Variants in KCNN2 observed in about 807,000 individuals in gnomAD.
KCNN2 encodes potassium calcium-activated channel subfamily N member 2, also known as small conductance calcium-activated potassium channel protein 2.
A neutral mutation model predicts 55.5 loss-of-function variants in KCNN2; 24 were observed. That is an observed-to-expected ratio of 0.43 (90% CI 0.31 to 0.61). The LOEUF is 0.61. Ranked by LOEUF, KCNN2 falls within the 20% of genes least tolerant of loss-of-function variation. The pLI, the probability that KCNN2 is intolerant of heterozygous loss-of-function variation, is 0.08. For synonymous variants in KCNN2, 431 were observed against 336.1 expected, an observed-to-expected ratio of 1.28 and a Z score of -3.09; for missense variants, 754 against 853.6, an observed-to-expected ratio of 0.88 and a Z score of 1.45.
At chr5:114,206,164 A>G (rs1426531027) in intron 1 of KCNN2, among the ~76,000 whole-genome samples, 1 of 152,210 alleles carries the variant, frequency 6.6e-6, no homozygotes, top group Non-Finnish European at 1.5e-5. Flanking sequence ...CTAAAAGACT[A>G]CTTAAATTCA....
intron 1 of KCNN2, among the ~76,000 whole-genome samples, chr5:114,072,735 A>G (rs185307971): frequency 3.9e-4 from 59 of 152,304 alleles, no homozygotes; most frequent in Non-Finnish European, 4.6e-4. Context: ...ATCTACCACT[A>G]ACTGGCCTTT....
chr5:114,153,047 G>A (rs1422237807), intron 1 of KCNN2, among the ~76,000 whole-genome samples: 3 of 152,186 alleles, frequency 2.0e-5, no homozygotes, highest in African/African-American at 7.2e-5. Flanking sequence ...GATTTGGGGA[G>A]TGAGCAGTGA....
rs181154710 is a variant in KCNN2 at position 114,274,193 on chromosome 5, G to A, written c.-185+52628G>A. On this transcript the variant is annotated intron_variant, in intron 2 of 10. Coordinates refer to the KCNN2 transcript ENST00000512097. ...TGAAGGCCTGCGTTCTGTTCCATTG[G>A]TCTATATATCTGTTTTGGTACCAGT... Among the ~76,000 whole-genome samples the A allele has an allele frequency of 1.4e-4, 21 of 152,182 alleles. No homozygotes were observed. In the East Asian group the frequency reaches 3.3e-3, roughly 24 times the overall value.
At chr5:114,233,704 T>G (rs1754412350) in intron 2 of KCNN2, among the ~76,000 whole-genome samples, 1 of 152,218 alleles carries the variant, frequency 6.6e-6, no homozygotes, top group African/African-American at 2.4e-5. Flanking sequence ...ATGGGCATAT[T>G]TTAATCAATT....
chr5:114,159,062 G>C (rs1489625617), intron 1 of KCNN2, among the ~76,000 whole-genome samples: 2 of 152,196 alleles, frequency 1.3e-5, no homozygotes, highest in East Asian at 3.9e-4. Flanking sequence ...TGGTGAGAGA[G>C]GGCATCCTGT....
At chr5:114,445,282 CA>C (rs1760360646) in intron 3 of KCNN2, among the ~76,000 whole-genome samples, 1 of 151,930 alleles carries the variant, frequency 6.6e-6, no homozygotes, top group Non-Finnish European at 1.5e-5. Flanking sequence ...ATGATAAAAG[CA>C]AAAATGCCCT....
intron 1 of KCNN2, among the ~76,000 whole-genome samples, chr5:114,144,536 G>A (rs568420965): frequency 9.2e-5 from 14 of 152,082 alleles, no homozygotes; most frequent in Non-Finnish European, 1.9e-4. Context: ...AACATGGAGA[G>A]AGGGGAAAGA....
intron 1 of KCNN2, among the ~76,000 whole-genome samples, chr5:114,151,940 A>G (rs1398858043): frequency 6.6e-6 from 1 of 152,226 alleles, no homozygotes; most frequent in African/African-American, 2.4e-5. Context: ...AAATGAGGAA[A>G]TTAAACTGTT....
At chr5:114,164,001 G>T (rs771196377) in intron 1 of KCNN2, among the ~76,000 whole-genome samples, 48 of 152,104 alleles carry the variant, frequency 3.2e-4, no homozygotes, top group Admixed American at 3.0e-3. Flanking sequence ...ATTATTTAAT[G>T]GGGGTGGGTG....
At chr5:114,382,815 G>C (rs141307877) in intron 2 of KCNN2, among the ~76,000 whole-genome samples, 6 of 152,298 alleles carry the variant, frequency 3.9e-5, no homozygotes, top group Non-Finnish European at 8.8e-5. Flanking sequence ...CCACTCCAAG[G>C]ATTAGCAGCT....
At chr5:114,146,704 C>A (rs924988612) in intron 1 of KCNN2, among the ~76,000 whole-genome samples, 1 of 152,262 alleles carries the variant, frequency 6.6e-6, no homozygotes, top group Non-Finnish European at 1.5e-5. Context: ...CAGTATTGTA[C>A]AATTTGTTTA....
intron 1 of KCNN2, among the ~76,000 whole-genome samples, chr5:114,184,700 T>C (rs1050368625): frequency 3.3e-5 from 5 of 152,282 alleles, no homozygotes; most frequent in South Asian, 4.1e-4. Flanking sequence ...TAGGATTAAA[T>C]GAGATAAACG....
At chr5:114,470,403 G>GAGTA (rs1284909529) in intron 4 of KCNN2, among the ~76,000 whole-genome samples, 1 of 152,152 alleles carries the variant, frequency 6.6e-6, no homozygotes, top group Non-Finnish European at 1.5e-5. Flanking sequence ...AGTGATTGAG[G>GAGTA]AGTAGTACCT....
chr5:114,159,185 C>T (rs1752708634), intron 1 of KCNN2, among the ~76,000 whole-genome samples: 1 of 152,078 alleles, frequency 6.6e-6, no homozygotes, highest in African/African-American at 2.4e-5. Context: ...CCATCAATAC[C>T]TAATTTATTG....
chr5:114,129,268 G>A (rs1752000522), intron 1 of KCNN2, among the ~76,000 whole-genome samples: 3 of 152,130 alleles, frequency 2.0e-5, no homozygotes, highest in Admixed American at 2.0e-4. Flanking sequence ...AGTAACTGAT[G>A]TAATCCATAC....
intron 3 of KCNN2, among the ~76,000 whole-genome samples, chr5:114,448,214 C>G (rs1489062788): frequency 1.3e-5 from 2 of 151,952 alleles, no homozygotes; most frequent in Non-Finnish European, 2.9e-5. Flanking sequence ...CTCTTCTTTT[C>G]TTCCCTTCAT....
At chr5:114,285,823 G>T (rs191527351) in intron 2 of KCNN2, among the ~76,000 whole-genome samples, 38 of 152,096 alleles carry the variant, frequency 2.5e-4, no homozygotes, top group African/African-American at 8.9e-4. Flanking sequence ...TCTCCTTGAG[G>T]TGAAATTGCA....
At chr5:114,124,040 A>G (rs1036649972) in intron 1 of KCNN2, among the ~76,000 whole-genome samples, 2 of 152,258 alleles carry the variant, frequency 1.3e-5, no homozygotes, top group African/African-American at 4.8e-5. Flanking sequence ...TCAAGGTGTC[A>G]TAAATACCTC....
chr5:114,292,649 G>A lies in KCNN2; in HGVS notation c.-184-68296G>A, dbSNP rs181549933. Among the ~76,000 whole-genome samples the A allele has an allele frequency of 6.4e-3, 978 of 152,200 alleles. 21 individuals are homozygous for A. Among genetic ancestry groups the A allele is most frequent in the African/African-American group, 0.022 (902 of 41,546 alleles). ...GTGATGCTTCCAGCTTTGTTCTTTT[G>A]GCTTAGGATTGACTTGGTGACGCGG... On this transcript the variant is annotated intron_variant, in intron 2 of 10. Coordinates refer to the KCNN2 transcript ENST00000512097.
Sources: allele counts gnomAD v4.1 joint callset (sites outside exome capture counted in the v4.1 genomes callset), GRCh38; gene constraint gnomAD v4.1.1; transcripts MANE v1.5; gene names NCBI Gene and HGNC (gene_info 2026-07-23, HGNC 2026-07-21).